ZFHX3: variants seen among roughly 807,000 people sequenced by gnomAD.
The protein encoded by ZFHX3 is zinc finger homeobox protein 3.
A neutral mutation model predicts 279.1 loss-of-function variants in ZFHX3; 42 were observed. The observed-to-expected ratio is 0.15, with a 90% CI of 0.12 to 0.19. The LOEUF (loss-of-function observed/expected upper bound fraction) is 0.19. Among genes scored for constraint, ZFHX3 ranks in the 10% least tolerant of loss-of-function variants. ZFHX3 has a pLI of 1.00. For synonymous variants in ZFHX3, 2,293 were observed against 1,957.8 expected (o/e 1.17, Z -4.52); for missense variants, 4,981 against 4,754.0 (o/e 1.05, Z -1.40).
intron 2 of ZFHX3, among the ~76,000 whole-genome samples, chr16:73,639,866 C>G (rs911280176): frequency 1.3e-5 from 2 of 152,054 alleles, no homozygotes; most frequent in Admixed American, 1.3e-4. Flanking sequence ...GGAAAAAAAG[C>G]CATGATAAGA....
intron 5 of ZFHX3, among the ~76,000 whole-genome samples, chr16:73,219,397 C>G (rs1477972466): frequency 6.6e-6 from 1 of 152,150 alleles, no homozygotes; most frequent in African/African-American, 2.4e-5. Context: ...CACATTCTTG[C>G]CTCTAGGGCT....
intron 1 of ZFHX3, among the ~76,000 whole-genome samples, chr16:73,046,143 C>G (rs901239711): frequency 6.6e-6 from 1 of 152,182 alleles, no homozygotes; most frequent in African/African-American, 2.4e-5. Flanking sequence ...CCTGCAGGGT[C>G]TCTGCAAAAC....
chr16:72,861,765 A>C (rs1330126093), intron 4 of ZFHX3, among the ~76,000 whole-genome samples: 2 of 152,224 alleles, frequency 1.3e-5, no homozygotes, highest in Non-Finnish European at 2.9e-5. Flanking sequence ...CTGTAATCCC[A>C]GCACTTTGGG....
chr16:73,525,112 A>G (rs763375025), intron 2 of ZFHX3, among the ~76,000 whole-genome samples: 7 of 152,208 alleles, frequency 4.6e-5, no homozygotes, highest in Non-Finnish European at 8.8e-5. Context: ...AGGGCAAACC[A>G]GCGACATGAG....
chr16:73,158,561 C>T (rs903865549), intron 5 of ZFHX3, among the ~76,000 whole-genome samples: 1 of 152,036 alleles, frequency 6.6e-6, no homozygotes, highest in African/African-American at 2.4e-5. Context: ...ACATATACAG[C>T]ATAAACCAAC....
At position 72,795,074 on chromosome 16, in the gene ZFHX3, C is replaced by T. The variant is rs758700792; in HGVS notation, c.7608G>A (p.Lys2536=). 142 of 1,614,102 alleles carry T rather than the reference C, an allele frequency of 8.8e-5. 6 individuals carry two copies. In the South Asian group the frequency reaches 1.5e-3, roughly 18 times the overall value. The change falls in exon 9 of 10, where the codon AAG becomes AAA. Residue 2536 remains lysine (K), a synonymous_variant. Transcript: ENST00000268489. ...AGTGCTCAAATGACGGAAATGCCAA[C>T]TTACACTGGTCACACTGGTAGGGGA... ...QLIPYQCDQC[K]LAFPSFEHWQ... is the part of the protein sequence containing the mutation.
At chr16:72,918,695 CTTTTTTT>C (rs568638106) in intron 3 of ZFHX3, among the ~76,000 whole-genome samples, 1 of 130,698 alleles carries the variant, frequency 7.7e-6, no homozygotes. Flanking sequence ...AAAGGTAGTT[CTTTTTTT>C]TTTTTTTTTT....
At chr16:73,445,060 G>A (rs1488174118) in intron 3 of ZFHX3, among the ~76,000 whole-genome samples, 6 of 151,714 alleles carry the variant, frequency 4.0e-5, no homozygotes, top group Admixed American at 6.6e-5. Flanking sequence ...GCTTGAACCC[G>A]GGAGGCGGAG....
At chr16:73,070,886 C>T (rs932197727) in intron 8 of ZFHX3, among the ~76,000 whole-genome samples, 10 of 149,856 alleles carry the variant, frequency 6.7e-5, no homozygotes, top group Admixed American at 1.3e-4. Context: ...GTTTTCTTTT[C>T]CCCTTGCGGG....
intron 5 of ZFHX3, among the ~76,000 whole-genome samples, chr16:72,818,348 A>C (rs1314976482): frequency 1.3e-5 from 2 of 152,036 alleles, no homozygotes; most frequent in East Asian, 1.9e-4. Context: ...AAGTAGAGTT[A>C]CTCTTGGCAT....
intron 2 of ZFHX3, among the ~76,000 whole-genome samples, chr16:73,634,464 A>AT (rs2052510410): frequency 4.5e-5 from 6 of 133,526 alleles, no homozygotes; most frequent in Non-Finnish European, 8.1e-5. Context: ...ATATATATAA[A>AT]ATATATATGT....
chr16:73,869,429 T>C (rs1308861433), intron 1 of ZFHX3, among the ~76,000 whole-genome samples: 1 of 152,208 alleles, frequency 6.6e-6, no homozygotes, highest in East Asian at 1.9e-4. Flanking sequence ...CAGAGAACTG[T>C]CTTCAAGCAA....
At chr16:73,129,652 G>A (rs1445469539) in intron 7 of ZFHX3, among the ~76,000 whole-genome samples, 2 of 151,624 alleles carry the variant, frequency 1.3e-5, no homozygotes, top group Non-Finnish European at 2.9e-5. Context: ...GTGCGTGTGT[G>A]CATGTATGTG....
intron 1 of ZFHX3, among the ~76,000 whole-genome samples, chr16:73,012,746 A>G (rs1223978937): frequency 6.6e-6 from 1 of 152,184 alleles, no homozygotes; most frequent in Non-Finnish European, 1.5e-5. Context: ...TATAATCTAG[A>G]TACCCAACAA....
chr16:72,944,277 C>T (rs1447758336), intron 3 of ZFHX3, among the ~76,000 whole-genome samples: 1 of 151,986 alleles, frequency 6.6e-6, no homozygotes, highest in Non-Finnish European at 1.5e-5. Context: ...AGAGTGAGAC[C>T]CTGTCTCAAA....
At chr16:73,098,448 A>G (rs1030734622) in intron 7 of ZFHX3, among the ~76,000 whole-genome samples, 3 of 151,058 alleles carry the variant, frequency 2.0e-5, no homozygotes, top group African/African-American at 7.3e-5. Flanking sequence ...TGCAACCTCT[A>G]CCTCCTGGGT....
chr16:73,469,308 A>G (rs914967068), intron 2 of ZFHX3, among the ~76,000 whole-genome samples: 2 of 152,194 alleles, frequency 1.3e-5, no homozygotes, highest in Non-Finnish European at 1.5e-5. Flanking sequence ...GCAAGCGAAC[A>G]TAGAGCCAAG....
At chr16:72,864,259 T>C (rs2037959827) in intron 4 of ZFHX3, among the ~76,000 whole-genome samples, 1 of 152,222 alleles carries the variant, frequency 6.6e-6, no homozygotes, top group Admixed American at 6.5e-5. Flanking sequence ...TAAACCCTTC[T>C]TGATGTAAGC....
chr16:73,816,458 C>T (rs925431972), intron 1 of ZFHX3, among the ~76,000 whole-genome samples: 5 of 152,128 alleles, frequency 3.3e-5, no homozygotes, highest in Admixed American at 3.3e-4. Context: ...GGAACACAGC[C>T]ACTCATTCAT....
Sources: allele counts gnomAD v4.1 joint callset (sites outside exome capture counted in the v4.1 genomes callset), GRCh38; gene constraint gnomAD v4.1.1; transcripts MANE v1.5; gene names NCBI Gene and HGNC (gene_info 2026-07-23, HGNC 2026-07-21).